AIM2: variants seen among roughly 807,000 people sequenced by gnomAD.
AIM2 encodes the protein interferon-inducible protein AIM2.
A neutral mutation model predicts 27.7 loss-of-function variants in AIM2; 30 were observed. The ratio of observed to expected loss-of-function variants is 1.08; its 90% CI spans 0.81 to 1.47. AIM2 has a LOEUF of 1.47. Among genes scored for constraint, AIM2 ranks in the 40% most tolerant of loss-of-function variants. The probability of loss-of-function intolerance (pLI) is 0.00; values close to 1 mark genes in which losing one functional copy is unlikely to be tolerated. For synonymous variants in AIM2, 141 were observed against 145.3 expected (o/e 0.97, Z 0.21); for missense variants, 358 against 411.3 (o/e 0.87, Z 1.12).
upstream of AIM2, among the ~76,000 whole-genome samples, chr1:159,140,803 G>A (rs1648096908): frequency 6.6e-6 from 1 of 152,186 alleles, no homozygotes; most frequent in African/African-American, 2.4e-5. Flanking sequence ...AATGAACGCG[G>A]GAGGAGAGAG....
chr1:159,145,434 C>T (rs527647906), upstream of AIM2, among the ~76,000 whole-genome samples: 8 of 152,300 alleles, frequency 5.3e-5, no homozygotes, highest in East Asian at 1.5e-3. Flanking sequence ...TTCCTTTCTC[C>T]TCAGTCCCCT....
chr1:159,101,299 C>A (rs1330062923), intron 1 of AIM2, among the ~76,000 whole-genome samples: 1 of 152,168 alleles, frequency 6.6e-6, no homozygotes, highest in Non-Finnish European at 1.5e-5. Flanking sequence ...ATTCTCTCTC[C>A]TGCTGCACTG....
At chr1:159,129,227 CT>C (rs904143623) in intron 1 of AIM2, among the ~76,000 whole-genome samples, 2 of 152,194 alleles carry the variant, frequency 1.3e-5, no homozygotes, top group Non-Finnish European at 2.9e-5. Flanking sequence ...AGCTAAGAAG[CT>C]TGTTCAGAGG....
At chr1:159,136,994 C>G (rs1648021915) in intron 1 of AIM2, among the ~76,000 whole-genome samples, 1 of 152,282 alleles carries the variant, frequency 6.6e-6, no homozygotes, top group Non-Finnish European at 1.5e-5. Context: ...GACCTCTAAA[C>G]CTGCCTACAT....
At chr1:159,123,325 C>A (rs1647592329) in intron 1 of AIM2, among the ~76,000 whole-genome samples, 1 of 152,180 alleles carries the variant, frequency 6.6e-6, no homozygotes, top group Non-Finnish European at 1.5e-5. Flanking sequence ...AAGGCTGAAG[C>A]CAAGAGACCT....
At chr1:159,060,526 A>G (rs921113722), downstream of AIM2, among the ~76,000 whole-genome samples, 1 of 152,228 alleles carries the variant, frequency 6.6e-6, no homozygotes, top group Admixed American at 6.5e-5. Flanking sequence ...TTTCATCATA[A>G]CAAAAATTTC....
Position 159,066,379 on chromosome 1 carries a change from T to C in AIM2, c.397-50A>G, listed in dbSNP as rs762743814. On this transcript the variant is annotated intron_variant, in intron 3 of 5. Coordinates refer to ENST00000368130, the MANE Select transcript of AIM2 (RefSeq NM_004833.3). ...CAGCTGTGAGTCAAAAAGGTACTATTGAAAGGACCTTACTTCACCTACAGT... is the reference window on the plus strand; with the variant it reads ...CAGCTGTGAGTCAAAAAGGTACTATCGAAAGGACCTTACTTCACCTACAGT... 2.1e-5 allele frequency: 33 copies of C among 1,539,348 alleles called. No homozygotes were observed. The Admixed American group carries it at 4.5e-4, about 21-fold the overall frequency.
At chr1:159,116,540 G>T (rs1450885837) in intron 1 of AIM2, among the ~76,000 whole-genome samples, 1 of 152,114 alleles carries the variant, frequency 6.6e-6, no homozygotes, top group East Asian at 1.9e-4. Flanking sequence ...GTAGGGACAT[G>T]GATAAAGCTG....
At chr1:159,104,606 T>C (rs1657388181) in intron 1 of AIM2, among the ~76,000 whole-genome samples, 1 of 152,226 alleles carries the variant, frequency 6.6e-6, no homozygotes, top group African/African-American at 2.4e-5. Flanking sequence ...AAGTGTCTTA[T>C]GAGTGATTTT....
At chr1:159,129,323 G>GGGT (rs1423609982) in intron 1 of AIM2, among the ~76,000 whole-genome samples, 1 of 152,164 alleles carries the variant, frequency 6.6e-6, no homozygotes, top group Non-Finnish European at 1.5e-5. Context: ...TAATTTCTGA[G>GGGT]GCACCCAGTT....
intron 1 of AIM2, among the ~76,000 whole-genome samples, chr1:159,100,008 T>C (rs987403889): frequency 2.0e-5 from 3 of 152,222 alleles, no homozygotes; most frequent in African/African-American, 4.8e-5. Context: ...CAAGGCTCCA[T>C]AGTCTGCAAC....
At chr1:159,122,515 T>A (rs1328935812) in intron 1 of AIM2, 3 of 152,252 alleles carry the variant, frequency 2.0e-5, no homozygotes, top group African/African-American at 7.2e-5. Context: ...GGCCCCTGGA[T>A]GGGAAGCATG....
At chr1:159,100,607 G>A (rs138515590) in intron 1 of AIM2, among the ~76,000 whole-genome samples, 162 of 152,332 alleles carry the variant, frequency 1.1e-3, no homozygotes, top group African/African-American at 3.7e-3. Context: ...TTAGTCTCTA[G>A]AGTCTAGAAA....
chr1:159,096,493 T>C (rs969214589), intron 1 of AIM2, among the ~76,000 whole-genome samples: 2 of 152,176 alleles, frequency 1.3e-5, no homozygotes, highest in African/African-American at 2.4e-5. Flanking sequence ...TAAATTGCTA[T>C]TTATTTTCAT....
intron 1 of AIM2, among the ~76,000 whole-genome samples, chr1:159,120,108 T>G (rs1346912623): frequency 6.6e-6 from 1 of 152,136 alleles, no homozygotes; most frequent in Non-Finnish European, 1.5e-5. Flanking sequence ...TCTCATACAT[T>G]GAAAACACTG....
At chr1:159,111,512 A>G (rs1274652960) in intron 1 of AIM2, among the ~76,000 whole-genome samples, 1 of 152,216 alleles carries the variant, frequency 6.6e-6, no homozygotes, top group African/African-American at 2.4e-5. Flanking sequence ...CAGTTACACA[A>G]AAAAACTACA....
upstream of AIM2, among the ~76,000 whole-genome samples, chr1:159,144,458 T>C (rs997286754): frequency 6.6e-6 from 1 of 152,160 alleles, no homozygotes; most frequent in African/African-American, 2.4e-5. Context: ...TAGGTTTTAA[T>C]TTAAAATAAG....
At chr1:159,094,386 T>G (rs1479830958) in intron 1 of AIM2, among the ~76,000 whole-genome samples, 2 of 152,222 alleles carry the variant, frequency 1.3e-5, no homozygotes, top group Non-Finnish European at 2.9e-5. Flanking sequence ...GTATTCTGTA[T>G]GCAGTATTCA....
At chr1:159,067,710 G>C (rs1351321554) in intron 3 of AIM2, among the ~76,000 whole-genome samples, 1 of 152,000 alleles carries the variant, frequency 6.6e-6, no homozygotes, top group Non-Finnish European at 1.5e-5. Flanking sequence ...GAAGTTTCTG[G>C]GCCAAACCCA....
Sources: allele counts gnomAD v4.1 joint callset (sites outside exome capture counted in the v4.1 genomes callset), GRCh38; gene constraint gnomAD v4.1.1; transcripts MANE v1.5; gene names NCBI Gene and HGNC (gene_info 2026-07-23, HGNC 2026-07-21).